The following CIB4 variants were observed in gnomAD, a reference collection of about 807,000 sequenced individuals.
The protein encoded by CIB4 is calcium and integrin binding family member 4.
A neutral mutation model predicts 25.8 loss-of-function variants in CIB4; 25 were observed. The ratio of observed to expected loss-of-function variants is 0.97; its 90% CI spans 0.71 to 1.35. The LOEUF (loss-of-function observed/expected upper bound fraction) is 1.35. CIB4 is among the 40% of genes most tolerant of loss of function. CIB4 has a pLI of 0.00. For synonymous variants in CIB4, 75 were observed against 81.4 expected (o/e 0.92, Z 0.42); for missense variants, 235 against 228.2 (o/e 1.03, Z -0.19).
At chr2:26,581,479 C>A in intron 6 of CIB4, 86 bp from the exon 7 acceptor site, 1 of 1,319,436 alleles carries the variant, frequency 7.6e-7, no homozygotes, top group Admixed American at 1.8e-5. Context: ...CCTGGAGGCT[C>A]CCTCCCCGGC....
At chr2:26,637,588 T>C (rs1368027833) in intron 2 of CIB4, among the ~76,000 whole-genome samples, 2 of 152,190 alleles carry the variant, frequency 1.3e-5, no homozygotes, top group African/African-American at 4.8e-5. Flanking sequence ...CAGAAAGCTC[T>C]TCCCCTCCTC....
intron 3 of CIB4, among the ~76,000 whole-genome samples, chr2:26,629,132 C>T (rs551341309): frequency 6.6e-6 from 1 of 152,306 alleles, no homozygotes; most frequent in East Asian, 1.9e-4. Context: ...AGGTCTCATG[C>T]CCCATCTGCC....
intron 3 of CIB4, among the ~76,000 whole-genome samples, chr2:26,616,063 C>T (rs1320284432): frequency 6.6e-6 from 1 of 152,198 alleles, no homozygotes; most frequent in Non-Finnish European, 1.5e-5. Context: ...AGCCATGTGA[C>T]TGTGGTGGCT....
chr2:26,606,728 G>A (rs571036827), intron 3 of CIB4, among the ~76,000 whole-genome samples: 8 of 152,202 alleles, frequency 5.3e-5, no homozygotes, highest in South Asian at 2.1e-4. Flanking sequence ...TCTATTGTCC[G>A]GGGCCCTGGA....
In CIB4 at chr2:26,581,348, G is replaced by T; in HGVS notation, c.*15C>A. The T allele has an allele frequency of 6.2e-7, 1 of 1,611,094 alleles. No individual in the cohort carries two copies. Among genetic ancestry groups the T allele is most frequent in the Non-Finnish European group, 8.5e-7 (1 of 1,177,344 alleles). On this transcript the variant is annotated 3_prime_UTR_variant, in exon 7 of 7. Coordinates refer to ENST00000288861, the MANE Select transcript of CIB4 (RefSeq NM_001029881.3). ...GTCTCCCTCGAGGCTGCCATGTCAG[G>T]TGTTTGCCGCTACATCAGCATCCCC...
At chr2:26,597,674 A>G (rs536372669) in intron 3 of CIB4, among the ~76,000 whole-genome samples, 1 of 152,302 alleles carries the variant, frequency 6.6e-6, no homozygotes, top group South Asian at 2.1e-4. Context: ...TTGATATTAT[A>G]TCAGATTAGT....
intron 3 of CIB4, among the ~76,000 whole-genome samples, chr2:26,600,020 C>T (rs1378916364): frequency 7.1e-6 from 1 of 141,394 alleles, no homozygotes. Context: ...TTGCAGTGAA[C>T]CAAGATCACG....
At chr2:26,590,889 G>C (rs1261025977) in intron 4 of CIB4, among the ~76,000 whole-genome samples, 3 of 152,204 alleles carry the variant, frequency 2.0e-5, no homozygotes, top group Non-Finnish European at 4.4e-5. Flanking sequence ...AAGATACAAA[G>C]ACATTGTGGG....
chr2:26,608,239 C>CAAA (rs34295840), intron 3 of CIB4, among the ~76,000 whole-genome samples: 2 of 123,564 alleles, frequency 1.6e-5, no homozygotes, highest in African/African-American at 6.3e-5. Context: ...GACTCTGTCT[C>CAAA]AAAAAAAAAA....
intron 4 of CIB4, among the ~76,000 whole-genome samples, chr2:26,584,606 A>AAATGGAGTC (rs1391936578): frequency 1.2e-4 from 18 of 152,208 alleles, no homozygotes; most frequent in African/African-American, 4.3e-4. Flanking sequence ...CTCCTTCCTG[A>AAATGGAGTC]AATGGAGTCC....
chr2:26,595,277 T>C lies in CIB4; in HGVS notation c.227A>G (p.His76Arg). 6.2e-7 allele frequency: 1 copy of C among 1,614,116 alleles called. No individual in the cohort carries two copies. The highest frequency in any genetic ancestry group is 8.5e-7 in the Non-Finnish European group (1 of 1,179,984). ...FRDRICRVFSHKGMFSFEDVL... is the reference protein window; with the variant it reads ...FRDRICRVFSRKGMFSFEDVL... Reference sequence around the variant, plus strand: ...ATCCTCAAAGGAGAACATGCCTTTGTGGGAGAACACTCTGCAGATACGGTC... The same window carrying C: ...ATCCTCAAAGGAGAACATGCCTTTGCGGGAGAACACTCTGCAGATACGGTC... Residue 76 changes from histidine to arginine, a missense_variant, in exon 4 of 7, where the codon CAC (histidine) becomes CGC (arginine). Transcript: ENST00000288861.
chr2:26,589,321 CCTT>C (rs1356967819), intron 4 of CIB4, among the ~76,000 whole-genome samples: 16 of 150,428 alleles, frequency 1.1e-4, no homozygotes, highest in South Asian at 2.1e-4. Context: ...TCCTCCTTCT[CCTT>C]CTTCTTCTAT....
At chr2:26,592,882 A>G (rs1233170862) in intron 4 of CIB4, among the ~76,000 whole-genome samples, 2 of 151,990 alleles carry the variant, frequency 1.3e-5, no homozygotes, top group Admixed American at 1.3e-4. Flanking sequence ...CTTGGGCATG[A>G]TTATTGTGAT....
chr2:26,601,228 AAAAATATATATATATATATATAT>A (rs1668779598), intron 3 of CIB4, among the ~76,000 whole-genome samples: 1 of 79,764 alleles, frequency 1.3e-5, no homozygotes, highest in African/African-American at 5.9e-5. Context: ...AAAAAAAAAA[AAAAATATATATATATATATATAT>A]ATATATATAT....
intron 3 of CIB4, among the ~76,000 whole-genome samples, chr2:26,613,975 G>A (rs978478377): frequency 2.6e-5 from 4 of 152,136 alleles, no homozygotes; most frequent in Non-Finnish European, 4.4e-5. Flanking sequence ...CTAGCCATTC[G>A]GGCTGCTGGG....
intron 3 of CIB4, among the ~76,000 whole-genome samples, chr2:26,614,912 C>T (rs976114687): frequency 7.9e-5 from 12 of 152,242 alleles, no homozygotes; most frequent in African/African-American, 2.4e-5. Flanking sequence ...AAGGATAATG[C>T]GCCCTGCTCT....
rs1358211920 is a variant in CIB4, at chr2:26,583,853, A to G, written c.374T>C (p.Ile125Thr). 2 of 1,613,550 alleles carry G rather than the reference A, an allele frequency of 1.2e-6. No individual in the cohort carries two copies. The highest frequency in any genetic ancestry group is 1.7e-6 in the Non-Finnish European group (2 of 1,179,740). Residue 125 changes from isoleucine to threonine, a missense_variant, in exon 5 of 7, where the codon ATC (isoleucine) becomes ACC (threonine). Physicochemically the swap from Ile to Thr is moderately conservative, Grantham distance 89. Transcript: ENST00000288861. Reference protein sequence around the residue: ...GFIDEEDLQRIILRLLNSDDM... With the variant: ...GFIDEEDLQRTILRLLNSDDM... Reference sequence around the variant, plus strand: ...ATCACTGTTCAGCAGTCGCAGGATGATCCTCTGCAGATCCTCCTCATCAAT... The same window carrying G: ...ATCACTGTTCAGCAGTCGCAGGATGGTCCTCTGCAGATCCTCCTCATCAAT...
At chr2:26,631,175 G>A (rs1207764131) in intron 2 of CIB4, among the ~76,000 whole-genome samples, 6 of 152,154 alleles carry the variant, frequency 3.9e-5, no homozygotes, top group African/African-American at 1.2e-4. Context: ...GGAATTTAGG[G>A]ACATGTAACT....
intron 4 of CIB4, among the ~76,000 whole-genome samples, chr2:26,588,644 TG>T (rs1459882697): frequency 6.6e-6 from 1 of 152,194 alleles, no homozygotes; most frequent in Non-Finnish European, 1.5e-5. Context: ...CCGTGACTTT[TG>T]TGAGAACTGA....
Sources: gnomAD v4.1 joint callset for allele counts (sites outside exome capture counted in the v4.1 genomes callset) on GRCh38, gnomAD v4.1.1 for gene constraint, MANE v1.5 for transcripts, NCBI Gene and HGNC (gene_info 2026-07-23, HGNC 2026-07-21) for gene names.